Variants in GPC5 observed in about 807,000 individuals in gnomAD.
GPC5 encodes glypican-5.
GPC5 carries 47 observed loss-of-function variants against 53.9 expected under a neutral mutation model. That is an observed-to-expected ratio of 0.87 (90% CI 0.69 to 1.11). The LOEUF is 1.11. GPC5 is among the 50% of genes most tolerant of loss of function. The pLI is 0.00. For missense variants in GPC5, 748 were observed against 713.1 expected (o/e 1.05, Z -0.56); for synonymous variants, 286 against 263.3 (o/e 1.09, Z -0.84).
chr13:91,948,065 A>G (rs1300009988), intron 6 of GPC5, among the ~76,000 whole-genome samples: 2 of 151,842 alleles, frequency 1.3e-5, no homozygotes, highest in Non-Finnish European at 2.9e-5. Flanking sequence ...CGTCTCTACT[A>G]AAAATACAAA....
intron 5 of GPC5, among the ~76,000 whole-genome samples, chr13:91,904,008 T>C (rs565550223): frequency 6.6e-6 from 1 of 152,132 alleles, no homozygotes; most frequent in Admixed American, 6.6e-5. Context: ...AGAAACACTG[T>C]ACGGCAAACC....
intron 5 of GPC5, among the ~76,000 whole-genome samples, chr13:91,882,669 G>C (rs1420271348): frequency 5.1e-5 from 1 of 19,712 alleles, no homozygotes; most frequent in Non-Finnish European, 9.6e-5. Context: ...TTGTTTTTTG[G>C]GTTTTTTTTT....
intron 7 of GPC5, among the ~76,000 whole-genome samples, chr13:92,704,909 A>G (rs1174865880): frequency 2.0e-5 from 2 of 99,128 alleles, no homozygotes; most frequent in Non-Finnish European, 4.1e-5. Flanking sequence ...GTATATATAT[A>G]TACACTTATA....
rs1369608164 is a variant in GPC5 at position 91,572,237 on chromosome 13, A to G, written c.326-120950A>G. Among the ~76,000 whole-genome samples the G allele has an allele frequency of 1.6e-5, 2 of 128,550 alleles. 1 individual carries two copies. Among genetic ancestry groups the G allele is most frequent in the Non-Finnish European group, 3.2e-5 (2 of 62,990 alleles). The allele number at this position is 128,550 out of a possible 152,430, so 84.3% of individuals were successfully genotyped here. On this transcript the variant is annotated intron_variant, in intron 2 of 7. Transcript: ENST00000377067. ...TGTATATATATACACATATGTATAT[A>G]CATGTGTATATATATACACATATGT... is the stretch of plus-strand genomic sequence containing the variant.
At chr13:92,606,738 G>A (rs1168004277) in intron 7 of GPC5, among the ~76,000 whole-genome samples, 2 of 152,062 alleles carry the variant, frequency 1.3e-5, no homozygotes, top group African/African-American at 4.8e-5. Flanking sequence ...GATATTACAA[G>A]GGGATTATCT....
chr13:91,975,044 T>C (rs1039370307), intron 6 of GPC5, among the ~76,000 whole-genome samples: 1 of 152,194 alleles, frequency 6.6e-6, no homozygotes, highest in African/African-American at 2.4e-5. Flanking sequence ...TAATAAATGG[T>C]GCTGGGAAAA....
At chr13:91,624,635 T>G (rs1310030740) in intron 2 of GPC5, among the ~76,000 whole-genome samples, 2 of 152,018 alleles carry the variant, frequency 1.3e-5, no homozygotes, top group African/African-American at 2.4e-5. Context: ...TGCTTGACTA[T>G]AGGAACACTG....
intron 7 of GPC5, among the ~76,000 whole-genome samples, chr13:92,336,871 A>T (rs2043327313): frequency 6.6e-6 from 1 of 152,162 alleles, no homozygotes; most frequent in Non-Finnish European, 1.5e-5. Flanking sequence ...TCTCTATGTC[A>T]CCCAGACTGG....
chr13:91,862,640 A>G (rs1166601911), intron 5 of GPC5, among the ~76,000 whole-genome samples: 3 of 152,144 alleles, frequency 2.0e-5, no homozygotes, highest in Non-Finnish European at 2.9e-5. Flanking sequence ...ATGATTCTAT[A>G]TATTACAAAC....
chr13:92,430,465 A>T (rs1451850477), intron 7 of GPC5, among the ~76,000 whole-genome samples: 1 of 152,176 alleles, frequency 6.6e-6, no homozygotes, highest in Non-Finnish European at 1.5e-5. Flanking sequence ...TTATTTGAGA[A>T]TTAAATGCAA....
chr13:92,262,696 T>A (rs1470792143), intron 7 of GPC5, among the ~76,000 whole-genome samples: 1 of 152,184 alleles, frequency 6.6e-6, no homozygotes, highest in African/African-American at 2.4e-5. Flanking sequence ...GATTTCCGTA[T>A]CCTATTACTT....
intron 2 of GPC5, among the ~76,000 whole-genome samples, chr13:91,483,253 G>A (rs1594147512): frequency 6.6e-6 from 1 of 152,164 alleles, no homozygotes; most frequent in Non-Finnish European, 1.5e-5. Flanking sequence ...TATATAAGAG[G>A]CTCCAGGTCT....
At chr13:92,627,355 C>T (rs1885080826) in intron 7 of GPC5, among the ~76,000 whole-genome samples, 1 of 152,202 alleles carries the variant, frequency 6.6e-6, no homozygotes, top group South Asian at 2.1e-4. Flanking sequence ...GTTTATAGAA[C>T]CATACTACAG....
At chr13:92,708,315 C>T (rs1285020830) in intron 7 of GPC5, among the ~76,000 whole-genome samples, 2 of 152,140 alleles carry the variant, frequency 1.3e-5, no homozygotes, top group Non-Finnish European at 2.9e-5. Context: ...CAGCAGTGTA[C>T]TTTAAGTTAT....
At chr13:92,835,310 G>A (rs554552981) in intron 7 of GPC5, among the ~76,000 whole-genome samples, 25 of 151,770 alleles carry the variant, frequency 1.6e-4, no homozygotes, top group African/African-American at 4.1e-4. Flanking sequence ...CTTCGATACC[G>A]CATCTTTTAT....
At chr13:92,535,061 G>A (rs1830752590) in intron 7 of GPC5, among the ~76,000 whole-genome samples, 2 of 152,040 alleles carry the variant, frequency 1.3e-5, no homozygotes, top group South Asian at 4.1e-4. Context: ...TGCAAAGAAC[G>A]GGAACCCATT....
At position 91,993,951 on chromosome 13, in the gene GPC5, C is replaced by T. The variant is rs565951569; in HGVS notation, c.1401+85894C>T. On this transcript the variant is annotated intron_variant, in intron 6 of 7. Transcript: ENST00000377067. Reference sequence around the variant, plus strand: ...TCAGAGATGTGCAGAGAAAGTAAGCCAATTTAATAAAAGGGGACAAAGAAC... The same window carrying T: ...TCAGAGATGTGCAGAGAAAGTAAGCTAATTTAATAAAAGGGGACAAAGAAC... 2.0e-5 allele frequency among the ~76,000 whole-genome samples: 3 copies of T among 152,200 alleles called. No individual in the cohort carries two copies. In the South Asian group the frequency reaches 6.2e-4, roughly 32 times the overall value.
chr13:92,800,114 G>A (rs1045163091), intron 7 of GPC5, among the ~76,000 whole-genome samples: 1 of 151,700 alleles, frequency 6.6e-6, no homozygotes, highest in South Asian at 2.1e-4. Flanking sequence ...CAAGTATTTG[G>A]TTTGCATGTT....
intron 6 of GPC5, among the ~76,000 whole-genome samples, chr13:91,969,649 T>A (rs1260849020): frequency 6.6e-6 from 1 of 152,116 alleles, no homozygotes; most frequent in East Asian, 1.9e-4. Context: ...CCAAAATACT[T>A]AAATAACATA....
Sources: gnomAD v4.1 joint callset for allele counts (sites outside exome capture counted in the v4.1 genomes callset) on GRCh38, gnomAD v4.1.1 for gene constraint, MANE v1.5 for transcripts, NCBI Gene and HGNC (gene_info 2026-07-23, HGNC 2026-07-21) for gene names.